GRIK4: variants seen among roughly 807,000 people sequenced by gnomAD.
The protein encoded by GRIK4 is glutamate ionotropic receptor kainate type subunit 4.
Under a neutral mutation model 104.9 loss-of-function variants are expected in GRIK4, and 40 were observed. That is an observed-to-expected ratio of 0.38 (90% CI 0.30 to 0.50). GRIK4 has a LOEUF of 0.50. GRIK4 is among the 20% of genes least tolerant of loss of function. The probability of loss-of-function intolerance (pLI) is 0.93; values close to 1 mark genes in which losing one functional copy is unlikely to be tolerated. For missense variants in GRIK4, 1,047 were observed against 1,308.1 expected (o/e 0.80, Z 3.08); for synonymous variants, 485 against 524.9 (o/e 0.92, Z 1.04).
intron 11 of GRIK4, among the ~76,000 whole-genome samples, chr11:120,882,935 C>T (rs1476957948): frequency 6.6e-6 from 1 of 152,210 alleles, no homozygotes; most frequent in Admixed American, 6.5e-5. Context: ...CGTACCCACT[C>T]CCATTTCTCA....
chr11:120,815,319 G>A (rs1952922392), intron 4 of GRIK4, 59 bp from the exon 5 acceptor site: 1 of 1,003,212 alleles, frequency 1.0e-6, no homozygotes. Context: ...CTGGGCCATG[G>A]CGCAAGCCCG....
At chr11:120,932,071 T>TGG (rs1943493077) in intron 13 of GRIK4, among the ~76,000 whole-genome samples, 1 of 152,146 alleles carries the variant, frequency 6.6e-6, no homozygotes, top group Non-Finnish European at 1.5e-5. Flanking sequence ...CCTGTGGACC[T>TGG]TCCAGGCTCT....
At chr11:120,686,359 A>G (rs1704789458) in intron 3 of GRIK4, among the ~76,000 whole-genome samples, 1 of 152,164 alleles carries the variant, frequency 6.6e-6, no homozygotes, top group Admixed American at 6.5e-5. Flanking sequence ...TCACACAAAT[A>G]CCTGTACTTC....
At chr11:120,844,739 A>G (rs1953809561) in intron 8 of GRIK4, among the ~76,000 whole-genome samples, 1 of 152,214 alleles carries the variant, frequency 6.6e-6, no homozygotes, top group Non-Finnish European at 1.5e-5. Flanking sequence ...CCTTCCTCCC[A>G]TTCTGAGCTG....
At chr11:120,610,029 A>G (rs1949013981) in intron 1 of GRIK4, among the ~76,000 whole-genome samples, 2 of 152,062 alleles carry the variant, frequency 1.3e-5, no homozygotes, top group Admixed American at 6.5e-5. Context: ...TTTGATATGC[A>G]TGGGATTCCT....
chr11:120,761,468 C>T (rs1052228063), intron 3 of GRIK4, among the ~76,000 whole-genome samples: 2 of 152,190 alleles, frequency 1.3e-5, no homozygotes, highest in Non-Finnish European at 2.9e-5. Flanking sequence ...TCCCATTTGT[C>T]AATTTTGGCT....
rs1212542926 is a variant in GRIK4, at chr11:120,985,900, C to T, written c.2515-4C>T. Reference sequence around the variant, plus strand: ...CTGGGCCCTGACCTCGCTGTCTCCTCCAGGTGTCCGTCTGCCAGGAGATGG... The same window carrying T: ...CTGGGCCCTGACCTCGCTGTCTCCTTCAGGTGTCCGTCTGCCAGGAGATGG... On this transcript the variant is annotated splice_polypyrimidine_tract_variant and splice_region_variant and intron_variant, in intron 20 of 20. Coordinates refer to ENST00000527524, the MANE Select transcript of GRIK4 (RefSeq NM_014619.5). The T allele has an allele frequency of 6.4e-7, 1 of 1,551,904 alleles. No individual in the cohort carries two copies. The highest frequency in any genetic ancestry group is 8.7e-7 in the Non-Finnish European group (1 of 1,147,780).
At chr11:120,691,122 G>A (rs1255535413) in intron 3 of GRIK4, among the ~76,000 whole-genome samples, 1 of 152,184 alleles carries the variant, frequency 6.6e-6, no homozygotes, top group Non-Finnish European at 1.5e-5. Flanking sequence ...GGGAGTGTTT[G>A]CTGCTTTCTC....
chr11:120,697,251 C>T lies in GRIK4; in HGVS notation c.82+36851C>T, dbSNP rs149827531. On this transcript the variant is annotated intron_variant, in intron 3 of 20. Coordinates refer to ENST00000527524, the MANE Select transcript of GRIK4 (RefSeq NM_014619.5). Reference sequence around the variant, plus strand: ...ATTCAGGGGAACAGTGGCAGACAGTCCTCAGCATCAGCTAACCCCAAATCC... The same window carrying T: ...ATTCAGGGGAACAGTGGCAGACAGTTCTCAGCATCAGCTAACCCCAAATCC... 2.7e-3 allele frequency among the ~76,000 whole-genome samples: 407 copies of T among 152,322 alleles called. 1 individual carries two copies. Among genetic ancestry groups the T allele is most frequent in the Non-Finnish European group, 4.2e-3 (286 of 68,024 alleles).
At chr11:120,834,858 G>A (rs963607226) in intron 7 of GRIK4, among the ~76,000 whole-genome samples, 5 of 152,206 alleles carry the variant, frequency 3.3e-5, no homozygotes, top group African/African-American at 1.2e-4. Context: ...GCGGGTTTTA[G>A]CTCCCCACTG....
chr11:120,845,703 G>A (rs545882709), intron 8 of GRIK4, among the ~76,000 whole-genome samples: 2 of 151,898 alleles, frequency 1.3e-5, no homozygotes, highest in Admixed American at 6.5e-5. Flanking sequence ...CAATCCATCA[G>A]CCAGACAACT....
chr11:120,712,053 G>T (rs765078771), intron 3 of GRIK4, among the ~76,000 whole-genome samples: 1 of 152,264 alleles, frequency 6.6e-6, no homozygotes, highest in Admixed American at 6.5e-5. Flanking sequence ...ACACAAGGTC[G>T]CTGCTTCACG....
At chr11:120,946,286 G>C (rs1194819480) in intron 14 of GRIK4, among the ~76,000 whole-genome samples, 1 of 152,174 alleles carries the variant, frequency 6.6e-6, no homozygotes, top group Non-Finnish European at 1.5e-5. Context: ...TTATAGCAAG[G>C]CATCATCAGA....
chr11:120,716,849 C>T (rs73588342), intron 3 of GRIK4, among the ~76,000 whole-genome samples: 2,742 of 152,178 alleles, frequency 0.018, 79 homozygotes, highest in African/African-American at 0.063. Context: ...AGGATGGATC[C>T]ACAGGAGAGG....
intron 1 of GRIK4, among the ~76,000 whole-genome samples, chr11:120,615,486 C>T (rs12286173): frequency 0.31 from 47,793 of 152,142 alleles, 8,349 homozygotes; most frequent in Non-Finnish European, 0.4. Context: ...TGAGGAATGT[C>T]GTAGCCCCTC....
intron 3 of GRIK4, among the ~76,000 whole-genome samples, chr11:120,703,376 T>G (rs1386459595): frequency 6.6e-6 from 1 of 152,070 alleles, no homozygotes; most frequent in African/African-American, 2.4e-5. Flanking sequence ...CTGGATTGGC[T>G]TGAGGTGATG....
chr11:120,533,350 C>T (rs912293397), intron 1 of GRIK4, among the ~76,000 whole-genome samples: 1 of 152,162 alleles, frequency 6.6e-6, no homozygotes, highest in African/African-American at 2.4e-5. Context: ...TGAGGGCTTT[C>T]CTTGTATTAT....
At chr11:120,857,065 G>A (rs1954125087) in intron 8 of GRIK4, among the ~76,000 whole-genome samples, 1 of 152,146 alleles carries the variant, frequency 6.6e-6, no homozygotes, top group South Asian at 2.1e-4. Flanking sequence ...TGTGGTATAA[G>A]GCATGGTCGG....
At chr11:120,966,454 C>G (rs1445869556) in intron 18 of GRIK4, among the ~76,000 whole-genome samples, 1 of 152,184 alleles carries the variant, frequency 6.6e-6, no homozygotes, top group Non-Finnish European at 1.5e-5. Flanking sequence ...CTCACTGCAC[C>G]TCCGTCTCCC....
Sources: gnomAD v4.1 joint callset for allele counts (sites outside exome capture counted in the v4.1 genomes callset) on GRCh38, gnomAD v4.1.1 for gene constraint, MANE v1.5 for transcripts, NCBI Gene and HGNC (gene_info 2026-07-23, HGNC 2026-07-21) for gene names.